Variants in ITSN1 observed in about 807,000 individuals in gnomAD.
The protein encoded by ITSN1 is intersectin-1.
Under a neutral mutation model 239.8 loss-of-function variants are expected in ITSN1, and 58 were observed. The ratio of observed to expected loss-of-function variants is 0.24; its 90% CI spans 0.20 to 0.30. The LOEUF is 0.30. ITSN1 is among the 10% of genes least tolerant of loss of function. The pLI, the probability that ITSN1 is intolerant of heterozygous loss-of-function variation, is 1.00. For synonymous variants in ITSN1, 780 were observed against 770.8 expected, an observed-to-expected ratio of 1.01 and a Z score of -0.20; for missense variants, 1,558 against 2,103.3, an observed-to-expected ratio of 0.74 and a Z score of 5.07.
In ITSN1 at chr21:33,882,835, G is replaced by C. The variant is rs1985151787; in HGVS notation, c.4554+380G>C. On this transcript the variant is annotated intron_variant, in intron 35 of 39. Transcript: ENST00000381318. This position sits in a 1 kb window ranked among gnomAD's most constrained non-coding sequence, Gnocchi z 4.5. ...GCCTCCAAACAGTCCTAAGTCCCCT[G>C]CCAGACTTCTCCAGGTAGCTTGAAA... is the stretch of plus-strand genomic sequence containing the variant. 6.6e-6 allele frequency among the ~76,000 whole-genome samples: 1 copy of C among 152,156 alleles called. No homozygotes were observed. The highest frequency in any genetic ancestry group is 2.4e-5 in the African/African-American group (1 of 41,430).
chr21:33,835,366 C>T (rs1345549790), intron 28 of ITSN1, among the ~76,000 whole-genome samples: 2 of 152,012 alleles, frequency 1.3e-5, no homozygotes, highest in East Asian at 1.9e-4. Flanking sequence ...TCCTCAGGCC[C>T]GCTGAAATTA....
At chr21:33,858,138 G>T (rs1292968097) in intron 30 of ITSN1, among the ~76,000 whole-genome samples, 1 of 152,146 alleles carries the variant, frequency 6.6e-6, no homozygotes, top group Non-Finnish European at 1.5e-5. Context: ...CCCCCTTGTA[G>T]CGGGCCTGCA....
chr21:33,730,255 G>C (rs1001923186), intron 4 of ITSN1, among the ~76,000 whole-genome samples: 2 of 151,800 alleles, frequency 1.3e-5, no homozygotes, highest in Non-Finnish European at 2.9e-5. Flanking sequence ...CATTGTATTA[G>C]TTTCCTGTTA....
chr21:33,792,932 C>G (rs1275249266), intron 16 of ITSN1, among the ~76,000 whole-genome samples: 1 of 151,942 alleles, frequency 6.6e-6, no homozygotes, highest in Non-Finnish European at 1.5e-5. Flanking sequence ...CCCTTCTTCT[C>G]CATTTTCCCC....
At chr21:33,787,121 C>G (rs376991636) in intron 16 of ITSN1, among the ~76,000 whole-genome samples, 2 of 152,032 alleles carry the variant, frequency 1.3e-5, no homozygotes, top group Non-Finnish European at 2.9e-5. Flanking sequence ...TGACGAGTTG[C>G]GTGTGTGTAT....
intron 1 of ITSN1, among the ~76,000 whole-genome samples, chr21:33,663,442 G>A (rs927134808): frequency 2.0e-5 from 3 of 152,222 alleles, no homozygotes; most frequent in Non-Finnish European, 4.4e-5. Flanking sequence ...CAGTCAAAAT[G>A]TAATCCAGAT....
At chr21:33,878,389 CTCAT>C (rs1984359291) in intron 34 of ITSN1, among the ~76,000 whole-genome samples, 1 of 152,172 alleles carries the variant, frequency 6.6e-6, no homozygotes, top group African/African-American at 2.4e-5. Flanking sequence ...TTCCTTTGGT[CTCAT>C]TCATTCTTTT....
At chr21:33,877,803 A>G (rs1426900185) in intron 34 of ITSN1, among the ~76,000 whole-genome samples, 3 of 150,620 alleles carry the variant, frequency 2.0e-5, no homozygotes, top group Non-Finnish European at 4.4e-5. Context: ...AGCCTCTGCA[A>G]ATTTCTTACT....
rs1004688821 is a variant in ITSN1 at position 33,890,679 on chromosome 21, C to T, written c.*2379C>T. On this transcript the variant is annotated 3_prime_UTR_variant, in exon 40 of 40. Transcript: ENST00000381318. Reference sequence around the variant, plus strand: ...CAGGGATTGAGAAACATGGGTGATGCATGGAGTCTCAAACCATTGGGCCTC... The same window carrying T: ...CAGGGATTGAGAAACATGGGTGATGTATGGAGTCTCAAACCATTGGGCCTC... The T allele has an allele frequency of 6.6e-6, 1 of 152,160 alleles. No homozygotes were observed. The highest frequency in any genetic ancestry group is 1.5e-5 in the Non-Finnish European group (1 of 68,046). 9.4% of individuals were successfully genotyped at this position (152,160 alleles called of 1,614,324 possible).
At chr21:33,783,371 G>A (rs1474432054) in intron 16 of ITSN1, among the ~76,000 whole-genome samples, 1 of 152,170 alleles carries the variant, frequency 6.6e-6, no homozygotes, top group East Asian at 1.9e-4. Flanking sequence ...TATGTGTGCT[G>A]TTCTTTCAGA....
chr21:33,790,105 C>T (rs979798725), intron 16 of ITSN1, among the ~76,000 whole-genome samples: 1 of 152,040 alleles, frequency 6.6e-6, no homozygotes, highest in Non-Finnish European at 1.5e-5. Context: ...CCCCTTGAGA[C>T]TAATAAAAGC....
intron 1 of ITSN1, among the ~76,000 whole-genome samples, chr21:33,687,852 C>G (rs985517745): frequency 6.6e-6 from 1 of 152,040 alleles, no homozygotes; most frequent in Non-Finnish European, 1.5e-5. Context: ...ACATGCGAAC[C>G]TTTGATGTTA....
At position 33,643,462 on chromosome 21, in the gene ITSN1, G is replaced by A. The variant is rs573709770; in HGVS notation, c.-33+749G>A. On this transcript the variant is annotated intron_variant, in intron 1 of 39. Coordinates refer to ENST00000381318, the MANE Select transcript of ITSN1 (RefSeq NM_003024.3). ...GAATTCCCAAAAAAAGGAAACCGGC[G>A]AGGAATCGGCCGCACCTTCCTGCGC... 7.9e-5 allele frequency: 12 copies of A among 152,098 alleles called. 1 individual carries two copies. Among genetic ancestry groups the A allele is most frequent in the African/African-American group, 2.2e-4 (9 of 41,490 alleles). 9.4% of individuals were successfully genotyped at this position (152,098 alleles called of 1,614,324 possible). A position where few individuals can be genotyped will look rare whatever the true frequency, so the allele number is the denominator to read the frequency against.
At chr21:33,730,728 A>T (rs1353161920) in intron 4 of ITSN1, among the ~76,000 whole-genome samples, 1 of 148,908 alleles carries the variant, frequency 6.7e-6, no homozygotes, top group Non-Finnish European at 1.5e-5. Context: ...TTTGTTTGAG[A>T]TGGAGTCTTG....
chr21:33,777,880 A>C (rs2069768990), intron 14 of ITSN1, among the ~76,000 whole-genome samples: 1 of 152,162 alleles, frequency 6.6e-6, no homozygotes. Flanking sequence ...CTCTCGATGA[A>C]GGAAAGCTCT....
rs145718706 is a variant in ITSN1 at position 33,777,526 on chromosome 21, A to G, written c.1596+2418A>G. ...GGAATTCCATTGAATTTATAAATCA[A>G]TTTGGGAAGATTTGACATCTCAGCA... On this transcript the variant is annotated intron_variant, in intron 14 of 39. Transcript: ENST00000381318. 3.6e-3 allele frequency among the ~76,000 whole-genome samples: 552 copies of G among 152,292 alleles called. 2 individuals are homozygous for G. The highest frequency in any genetic ancestry group is 4.7e-3 in the Non-Finnish European group (318 of 68,018).
chr21:33,827,517 C>A (rs930214046), intron 26 of ITSN1, among the ~76,000 whole-genome samples: 2 of 152,198 alleles, frequency 1.3e-5, no homozygotes, highest in Admixed American at 6.5e-5. Context: ...CTCCGTCTTC[C>A]TCTTAGGCTT....
At chr21:33,671,008 T>A (rs2090240568) in intron 1 of ITSN1, among the ~76,000 whole-genome samples, 1 of 152,258 alleles carries the variant, frequency 6.6e-6, no homozygotes, top group Admixed American at 6.5e-5. Context: ...AAAAGTCTTT[T>A]GTGATTCTGT....
intron 1 of ITSN1, among the ~76,000 whole-genome samples, chr21:33,670,541 C>T (rs1000470032): frequency 6.6e-6 from 1 of 151,748 alleles, no homozygotes; most frequent in Non-Finnish European, 1.5e-5. Context: ...CCATCGTTCA[C>T]TTATGTGTTG....
Sources: gnomAD v4.1 joint callset for allele counts (sites outside exome capture counted in the v4.1 genomes callset) on GRCh38, gnomAD v4.1.1 for gene constraint, Gnocchi (gnomAD v3.1) non-coding constraint, MANE v1.5 for transcripts, NCBI Gene and HGNC (gene_info 2026-07-23, HGNC 2026-07-21) for gene names.